ERP27: variants seen among roughly 807,000 people sequenced by gnomAD.
ERP27 encodes endoplasmic reticulum protein 27.
A neutral mutation model predicts 27.7 loss-of-function variants in ERP27; 23 were observed. The ratio of observed to expected loss-of-function variants is 0.83; its 90% confidence interval spans 0.60 to 1.18. The LOEUF is 1.18. Among genes scored for constraint, ERP27 ranks in the 50% most tolerant of loss-of-function variants. The pLI, the probability that ERP27 is intolerant of heterozygous loss-of-function variation, is 0.00. For synonymous variants in ERP27, 159 were observed against 118.3 expected, an observed-to-expected ratio of 1.34 and a Z score of -2.23; for missense variants, 363 against 327.9, an observed-to-expected ratio of 1.11 and a Z score of -0.83.
intron 4 of ERP27, among the ~76,000 whole-genome samples, chr12:14,918,701 A>AT (rs1863452698): frequency 6.6e-6 from 1 of 152,130 alleles, no homozygotes; most frequent in Non-Finnish European, 1.5e-5. Context: ...ATTCTTCCTG[A>AT]TTTTTTACAC....
Position 14,934,890 on chromosome 12 carries a change from T to C in ERP27, c.299A>G (p.Asn100Ser). Residue 100 changes from asparagine to serine, a missense_variant, in exon 3 of 7, where the codon AAC becomes AGC. Asn to Ser is a conservative substitution (Grantham distance 46). Transcript: ENST00000266397. ...GAGGCAGATGGTGTTCCCAGTGATG[T>C]TGTAGTGTGTCAGAACCTCAGAATC... The part of the protein sequence containing the change: ...STDSEVLTHY[N>S]ITGNTICLFR... 1.2e-6 allele frequency: 2 copies of C among 1,614,036 alleles called. No individual in the cohort carries two copies. Among genetic ancestry groups the C allele is most frequent in the South Asian group, 2.2e-5 (2 of 91,070 alleles).
chr12:14,920,844 C>T (rs1340029461), intron 4 of ERP27, 88 bp downstream of exon 4: 2 of 943,234 alleles, frequency 2.1e-6, no homozygotes, highest in African/African-American at 1.6e-5. Flanking sequence ...AGAATTGGAA[C>T]TCTGGGAGGA....
intron 3 of ERP27, among the ~76,000 whole-genome samples, chr12:14,932,408 G>T (rs553573037): frequency 2.7e-4 from 41 of 152,154 alleles, no homozygotes; most frequent in African/African-American, 9.9e-4. Context: ...GACCCTTGGC[G>T]GGTGGTGGCA....
At chr12:14,932,935 T>C (rs919599197) in intron 3 of ERP27, among the ~76,000 whole-genome samples, 1 of 152,164 alleles carries the variant, frequency 6.6e-6, no homozygotes, top group Non-Finnish European at 1.5e-5. Flanking sequence ...ATTTTAAGAG[T>C]ATAGTGCTTA....
At chr12:14,938,294 C>T in intron 1 of ERP27, 121 bp downstream of exon 1, 1 of 1,092,172 alleles carries the variant, frequency 9.2e-7, no homozygotes, top group Non-Finnish European at 1.4e-6. Context: ...TGCACTTATC[C>T]AGGATTTCCT....
intron 2 of ERP27, among the ~76,000 whole-genome samples, chr12:14,935,980 C>T (rs1863767312): frequency 6.6e-6 from 1 of 152,112 alleles, no homozygotes; most frequent in African/African-American, 2.4e-5. Flanking sequence ...CCTCAGGCTC[C>T]CAAAGTGCTA....
chr12:14,936,360 G>C (rs1213678193), intron 2 of ERP27, among the ~76,000 whole-genome samples: 1 of 152,174 alleles, frequency 6.6e-6, no homozygotes, highest in Non-Finnish European at 1.5e-5. Context: ...AGGCCTGCAG[G>C]AGGCAGCAGA....
intron 3 of ERP27, among the ~76,000 whole-genome samples, chr12:14,928,421 A>G (rs1592277132): frequency 6.6e-6 from 1 of 152,214 alleles, no homozygotes; most frequent in East Asian, 1.9e-4. Flanking sequence ...AAAAGCAATA[A>G]GAACTCTGGA....
Position 14,914,558 on chromosome 12 carries a change from C to A in ERP27, c.*177G>T. ...AGATTTTAAGACAGGAAATGAAGCTCTGTGTGTGTGTGTGTGTGTGCGTGT... is the reference window on the plus strand; with the variant it reads ...AGATTTTAAGACAGGAAATGAAGCTATGTGTGTGTGTGTGTGTGTGCGTGT... On this transcript the variant is annotated 3_prime_UTR_variant, in exon 7 of 7. Coordinates refer to ENST00000266397, the MANE Select transcript of ERP27 (RefSeq NM_152321.4). 2.8e-6 allele frequency: 1 copy of A among 353,614 alleles called. No individual in the cohort carries two copies. Among genetic ancestry groups the A allele is most frequent in the African/African-American group, 3.4e-5 (1 of 29,708 alleles). The allele number at this position is 353,614 out of a possible 1,614,324, so 21.9% of individuals were successfully genotyped here.
chr12:14,929,119 G>T (rs765476956), intron 3 of ERP27: 1 of 1,481,958 alleles, frequency 6.7e-7, no homozygotes, highest in South Asian at 1.3e-5. Flanking sequence ...AGCTCACATC[G>T]CTGTGCATGG....
chr12:14,925,246 A>G (rs965807957), intron 3 of ERP27, among the ~76,000 whole-genome samples: 1 of 152,130 alleles, frequency 6.6e-6, no homozygotes, highest in Non-Finnish European at 1.5e-5. Context: ...ATCTTTCTGG[A>G]AACCATGGAA....
In ERP27 at chr12:14,917,254, A is replaced by G. The variant is rs573496471; in HGVS notation, c.500T>C (p.Ile167Thr). The G allele has an allele frequency of 2.3e-5, 37 of 1,614,148 alleles. 1 individual carries two copies. In the East Asian group the frequency reaches 6.7e-4, roughly 29 times the overall value. The change falls in exon 5 of 7, where the codon ATA becomes ACA. Residue 167 changes from isoleucine (I) to threonine (T), a missense_variant. Physicochemically the swap from Ile to Thr is moderately conservative, Grantham distance 89 (BLOSUM62 -1). Coordinates refer to ENST00000266397, the MANE Select transcript of ERP27 (RefSeq NM_152321.4). ...ATACTCTGGGGAGGCCTTGTTCATT[A>G]TCAGGAGGAGATGAATCTGAATTAC... The part of the protein sequence containing the change: ...NSVIQIHLLL[I>T]MNKASPEYEE...
intron 3 of ERP27, 60 bp from the exon 4 acceptor site, chr12:14,921,108 C>A (rs142243826): frequency 3.7e-6 from 5 of 1,360,264 alleles, no homozygotes; most frequent in Non-Finnish European, 5.2e-6. Flanking sequence ...TATTGATAAA[C>A]GTCTTTAGAC....
At chr12:14,917,583 A>G (rs955240956) in intron 4 of ERP27, among the ~76,000 whole-genome samples, 2 of 152,182 alleles carry the variant, frequency 1.3e-5, no homozygotes, top group African/African-American at 4.8e-5. Context: ...CTTAAAAGAC[A>G]TTATGGTTTC....
chr12:14,916,024 T>A (rs1423308168), intron 5 of ERP27, among the ~76,000 whole-genome samples: 2 of 125,058 alleles, frequency 1.6e-5, no homozygotes, highest in African/African-American at 6.0e-5. Context: ...ACTTGGGGGG[T>A]GGAGGGTGGG....
At chr12:14,935,773 G>A (rs963958696) in intron 2 of ERP27, among the ~76,000 whole-genome samples, 5 of 152,172 alleles carry the variant, frequency 3.3e-5, no homozygotes, top group South Asian at 2.1e-4. Flanking sequence ...TGTCACCCAG[G>A]CTAGAGTGCA....
intron 3 of ERP27, chr12:14,929,226 T>C: frequency 3.7e-6 from 4 of 1,076,002 alleles, no homozygotes; most frequent in Non-Finnish European, 4.8e-6. Flanking sequence ...TGGGTGTTTC[T>C]GGACTTAAAG....
intron 3 of ERP27, among the ~76,000 whole-genome samples, chr12:14,924,984 T>C (rs1034810855): frequency 2.6e-5 from 4 of 152,224 alleles, no homozygotes; most frequent in African/African-American, 9.7e-5. Flanking sequence ...GTCAGGAAGT[T>C]ACCCTATATG....
At chr12:14,938,286 C>CG (rs1863802162) in intron 1 of ERP27, 129 bp downstream of exon 1, 7 of 681,414 alleles carry the variant, frequency 1.0e-5, no homozygotes, top group Admixed American at 6.4e-5. Flanking sequence ...AGGCAAAATG[C>CG]ACTTATCCAG....
Sources: gnomAD v4.1 joint callset for allele counts (sites outside exome capture counted in the v4.1 genomes callset) on GRCh38, gnomAD v4.1.1 for gene constraint, MANE v1.5 for transcripts, NCBI Gene and HGNC (gene_info 2026-07-23, HGNC 2026-07-21) for gene names.